The following GRIK1 variants were observed in gnomAD, a reference collection of about 807,000 sequenced individuals.
The protein encoded by GRIK1 is glutamate receptor ionotropic, kainate 1.
Under a neutral mutation model 105.7 loss-of-function variants are expected in GRIK1, and 69 were observed. The observed-to-expected ratio is 0.65, with a 90% CI of 0.54 to 0.80. The LOEUF (loss-of-function observed/expected upper bound fraction) is 0.80, where lower values mean the gene tolerates loss of function less well. Ranked by LOEUF, GRIK1 falls within the 30% of genes least tolerant of loss-of-function variation. The probability of loss-of-function intolerance (pLI) is 0.00; values close to 1 mark genes in which losing one functional copy is unlikely to be tolerated. For missense variants in GRIK1, 1,109 were observed against 1,167.3 expected, an observed-to-expected ratio of 0.95 and a Z score of 0.73; for synonymous variants, 438 against 431.3, an observed-to-expected ratio of 1.02 and a Z score of -0.19.
At chr21:29,809,878 C>A (rs994018939) in intron 1 of GRIK1, among the ~76,000 whole-genome samples, 1 of 152,042 alleles carries the variant, frequency 6.6e-6, no homozygotes, top group Non-Finnish European at 1.5e-5. Context: ...TAGGGAGGCC[C>A]GAGGAGATGA....
chr21:29,553,453 G>T, intron 16 of GRIK1: 1 of 1,424,882 alleles, frequency 7.0e-7, no homozygotes, highest in South Asian at 1.7e-5. Context: ...TAAAGGAATA[G>T]AGAATTGTGG....
chr21:29,564,646 T>C (rs1027942187), intron 14 of GRIK1, among the ~76,000 whole-genome samples: 3 of 152,160 alleles, frequency 2.0e-5, no homozygotes, highest in Admixed American at 6.5e-5. Context: ...CTAAACTATC[T>C]GAAGTGAAGG....
At chr21:29,549,432 G>A (rs1478988330) in intron 16 of GRIK1, among the ~76,000 whole-genome samples, 3 of 152,182 alleles carry the variant, frequency 2.0e-5, no homozygotes, top group Non-Finnish European at 2.9e-5. Flanking sequence ...AATCATGTAT[G>A]TGACTTAATT....
chr21:29,674,270 T>C (rs2063222025), intron 3 of GRIK1, among the ~76,000 whole-genome samples: 1 of 151,428 alleles, frequency 6.6e-6, no homozygotes, highest in Non-Finnish European at 1.5e-5. Context: ...TATTTTTTTT[T>C]TTACCAGAAG....
chr21:29,783,150 TA>T (rs1289195385), intron 1 of GRIK1, among the ~76,000 whole-genome samples: 1 of 152,194 alleles, frequency 6.6e-6, no homozygotes, highest in African/African-American at 2.4e-5. Context: ...TTGATTTTAT[TA>T]AAGTTAAATA....
At chr21:29,835,787 C>T (rs1382154326) in intron 1 of GRIK1, among the ~76,000 whole-genome samples, 1 of 152,084 alleles carries the variant, frequency 6.6e-6, no homozygotes, top group African/African-American at 2.4e-5. Flanking sequence ...TGATTATTTC[C>T]TCTATTTTTT....
intron 1 of GRIK1, among the ~76,000 whole-genome samples, chr21:29,818,928 C>G (rs1372368570): frequency 6.6e-6 from 1 of 152,020 alleles, no homozygotes; most frequent in Non-Finnish European, 1.5e-5. Flanking sequence ...CCTGGCATAG[C>G]AGGGATGTCA....
intron 7 of GRIK1, among the ~76,000 whole-genome samples, chr21:29,633,220 T>C (rs2046784212): frequency 6.6e-6 from 1 of 151,786 alleles, no homozygotes; most frequent in Admixed American, 6.6e-5. Flanking sequence ...AATAAATTTC[T>C]GGCTGGGCAC....
chr21:29,939,069 C>A (rs1383602630), intron 1 of GRIK1, among the ~76,000 whole-genome samples: 2 of 152,138 alleles, frequency 1.3e-5, no homozygotes, highest in Non-Finnish European at 2.9e-5. Context: ...GTGGCTGCAG[C>A]GGCTCGCGAT....
chr21:29,827,939 T>G (rs1488254505), intron 1 of GRIK1, among the ~76,000 whole-genome samples: 1 of 151,384 alleles, frequency 6.6e-6, no homozygotes, highest in Non-Finnish European at 1.5e-5. Context: ...GGCCACTGAG[T>G]TTTTTGAGCT....
chr21:29,591,184 G>C lies in GRIK1; in HGVS notation c.1293C>G (p.Asp431Glu). Residue 431 changes from aspartate to glutamate, a missense_variant, in exon 10 of 18, where the codon GAC becomes GAG. Asp to Glu is a conservative substitution (Grantham distance 45). Coordinates refer to ENST00000327783, the MANE Select transcript of GRIK1 (RefSeq NM_001330994.2). ...WNSNSGLNMT[D>E]SNKDKSSNIT... is the part of the protein sequence containing the mutation. ...TATTGCTGGACTTGTCTTTGTTGCT[G>C]TCCGTCATGTTAAGCCCACTGTTGG... The C allele has an allele frequency of 6.2e-7, 1 of 1,611,048 alleles. No individual in the cohort carries two copies. The highest frequency in any genetic ancestry group is 8.5e-7 in the Non-Finnish European group (1 of 1,177,228).
At chr21:29,803,701 T>A (rs891859609) in intron 1 of GRIK1, among the ~76,000 whole-genome samples, 1 of 152,142 alleles carries the variant, frequency 6.6e-6, no homozygotes, top group African/African-American at 2.4e-5. Flanking sequence ...AATCCACAAT[T>A]GGCTTACTGA....
chr21:29,553,496 A>C (rs2090171434), intron 16 of GRIK1: 3 of 1,487,110 alleles, frequency 2.0e-6, no homozygotes, highest in Non-Finnish European at 2.7e-6. Context: ...AATATCAACA[A>C]CACCAATTAG....
chr21:29,833,394 C>T (rs1481340501), intron 1 of GRIK1, among the ~76,000 whole-genome samples: 2 of 152,100 alleles, frequency 1.3e-5, no homozygotes, highest in African/African-American at 4.8e-5. Context: ...CTGTATTAGT[C>T]AGTTATCTCA....
intron 1 of GRIK1, among the ~76,000 whole-genome samples, chr21:29,860,497 T>G (rs2068602875): frequency 6.6e-6 from 1 of 152,196 alleles, no homozygotes; most frequent in Non-Finnish European, 1.5e-5. Flanking sequence ...CTGAGCTCCC[T>G]TCCTGAATGA....
chr21:29,886,852 A>G (rs908177033), intron 1 of GRIK1, among the ~76,000 whole-genome samples: 1 of 152,194 alleles, frequency 6.6e-6, no homozygotes, highest in African/African-American at 2.4e-5. Context: ...GTTATGAGAG[A>G]AATGGCAACT....
intron 1 of GRIK1, among the ~76,000 whole-genome samples, chr21:29,908,926 A>C (rs2070728372): frequency 6.6e-6 from 1 of 152,208 alleles, no homozygotes; most frequent in South Asian, 2.1e-4. Flanking sequence ...TTCCTCTGCA[A>C]AATGGCTTTG....
intron 1 of GRIK1, among the ~76,000 whole-genome samples, chr21:29,859,955 A>G (rs947223069): frequency 2.6e-5 from 4 of 152,188 alleles, no homozygotes; most frequent in African/African-American, 9.6e-5. Flanking sequence ...TATAGTACTC[A>G]GGACTCATCT....
intron 1 of GRIK1, among the ~76,000 whole-genome samples, chr21:29,791,774 T>A (rs2066425655): frequency 1.3e-5 from 2 of 152,154 alleles, no homozygotes; most frequent in African/African-American, 2.4e-5. Context: ...TGGAGATTAC[T>A]GTAGAGAGGA....
Sources: gnomAD v4.1 joint callset for allele counts (sites outside exome capture counted in the v4.1 genomes callset) on GRCh38, gnomAD v4.1.1 for gene constraint, MANE v1.5 for transcripts, NCBI Gene and HGNC (gene_info 2026-07-23, HGNC 2026-07-21) for gene names.